The following NOS1AP variants were observed in gnomAD, a reference collection of about 807,000 sequenced individuals.
NOS1AP encodes the protein carboxyl-terminal PDZ ligand of neuronal nitric oxide synthase protein.
Under a neutral mutation model 56.2 loss-of-function variants are expected in NOS1AP, and 21 were observed. The ratio of observed to expected loss-of-function variants is 0.37; its 90% confidence interval spans 0.26 to 0.54. The LOEUF (loss-of-function observed/expected upper bound fraction) is 0.54. Ranked by LOEUF, NOS1AP falls within the 20% of genes least tolerant of loss-of-function variation. The pLI is 0.84. For missense variants in NOS1AP, 522 were observed against 657.8 expected (o/e 0.79, Z 2.26); for synonymous variants, 270 against 274.6 (o/e 0.98, Z 0.17).
chr1:162,295,926 G>A (rs1304073648), intron 3 of NOS1AP, among the ~76,000 whole-genome samples: 1 of 152,050 alleles, frequency 6.6e-6, no homozygotes, highest in African/African-American at 2.4e-5. Context: ...GGTGGGGGAG[G>A]GGTGGAGACC....
intron 1 of NOS1AP, among the ~76,000 whole-genome samples, chr1:162,118,347 A>G (rs1648057125): frequency 6.6e-6 from 1 of 152,222 alleles, no homozygotes; most frequent in Admixed American, 6.5e-5. Context: ...AAGCGAGAAC[A>G]TGTAGTATTT....
At chr1:162,278,743 A>C (rs1296055458) in intron 2 of NOS1AP, among the ~76,000 whole-genome samples, 1 of 150,934 alleles carries the variant, frequency 6.6e-6, no homozygotes, top group African/African-American at 2.4e-5. Context: ...TAACAGTGTT[A>C]TCTCTGCCCC....
At chr1:162,266,207 C>T (rs1176387404) in intron 2 of NOS1AP, among the ~76,000 whole-genome samples, 1 of 152,172 alleles carries the variant, frequency 6.6e-6, no homozygotes, top group Non-Finnish European at 1.5e-5. Flanking sequence ...GCAGGAGAAG[C>T]AGCAGTGTGT....
chr1:162,134,765 C>T (rs1189131796), intron 1 of NOS1AP, among the ~76,000 whole-genome samples: 2 of 152,156 alleles, frequency 1.3e-5, no homozygotes, highest in Non-Finnish European at 2.9e-5. Flanking sequence ...GTCATGTCCT[C>T]TCCAATCTAT....
intron 2 of NOS1AP, among the ~76,000 whole-genome samples, chr1:162,213,904 G>A (rs1571133170): frequency 6.6e-6 from 1 of 152,202 alleles, no homozygotes; most frequent in East Asian, 1.9e-4. Flanking sequence ...AACCTCATCC[G>A]CTAGAAGTAA....
Position 162,221,530 on chromosome 1 carries a change from GCGCGCACACACA to G in NOS1AP, c.178-65812_178-65801del, listed in dbSNP as rs1395202134. Among the ~76,000 whole-genome samples, 22 of 62,552 alleles carry G rather than the reference GCGCGCACACACA, an allele frequency of 3.5e-4. 2 individuals carry two copies. Among genetic ancestry groups the G allele is most frequent in the African/African-American group, 8.3e-4 (22 of 26,482 alleles). 41.0% of individuals were successfully genotyped at this position (62,552 alleles called of 152,430 possible). The stretch of plus-strand genomic sequence containing the variant: ...ATGCAACACACACACGCACACACAC[GCGCGCACACACA>G]CACACACACACACACACACACACAC... On this transcript the variant is annotated intron_variant, in intron 2 of 9. Transcript: ENST00000361897.
Position 162,367,821 on chromosome 1 carries a change from A to G in NOS1AP, c.*354A>G, listed in dbSNP as rs1484212100. 7.9e-6 allele frequency: 2 copies of G among 254,592 alleles called. No homozygotes were observed. The highest frequency in any genetic ancestry group is 4.4e-5 in the African/African-American group (2 of 45,258). 15.8% of individuals were successfully genotyped at this position (254,592 alleles called of 1,614,324 possible). ...GTCAGGCTCCCACGCTTTGTCCGTG[A>G]TGCCCCCCTACCCCCTCACTCTCCC... On this transcript the variant is annotated 3_prime_UTR_variant, in exon 10 of 10. Transcript: ENST00000361897. This position sits in a 1 kb window ranked among gnomAD's most constrained non-coding sequence, Gnocchi z 6.5.
At chr1:162,164,802 A>G (rs1650403535) in intron 2 of NOS1AP, among the ~76,000 whole-genome samples, 1 of 152,176 alleles carries the variant, frequency 6.6e-6, no homozygotes, top group Admixed American at 6.5e-5. Context: ...AAAGCAGCAT[A>G]TTATAGGACA....
At chr1:162,353,152 A>C in intron 6 of NOS1AP, among the ~76,000 whole-genome samples, 1 of 148,890 alleles carries the variant, frequency 6.7e-6, no homozygotes, top group Non-Finnish European at 1.5e-5. Flanking sequence ...CATATTTTCC[A>C]CCTAGAGTAT....
rs1691642501 is a variant in NOS1AP, at chr1:162,070,737, AAG to A, written c.105+457_105+458del. Among the ~76,000 whole-genome samples, 3 of 152,212 alleles carry A rather than the reference AAG, an allele frequency of 2.0e-5. No homozygotes were observed. In the South Asian group the frequency reaches 6.2e-4, roughly 32 times the overall value. ...GAATGCCTGCTTCCTAATTGAAGAA[AAG>A]AATCCAGATTTTTTTTTTTTAAACT... On this transcript the variant is annotated intron_variant, in intron 1 of 9. Coordinates refer to ENST00000361897, the MANE Select transcript of NOS1AP (RefSeq NM_014697.3).
intron 2 of NOS1AP, among the ~76,000 whole-genome samples, chr1:162,225,650 C>T (rs1652918711): frequency 6.6e-6 from 1 of 152,214 alleles, no homozygotes; most frequent in African/African-American, 2.4e-5. Flanking sequence ...AAGTTTTTCT[C>T]TGTCACAGAT....
intron 2 of NOS1AP, among the ~76,000 whole-genome samples, chr1:162,218,091 C>A (rs1206447909): frequency 6.6e-6 from 1 of 152,140 alleles, no homozygotes; most frequent in Non-Finnish European, 1.5e-5. Flanking sequence ...AAACCTGGGG[C>A]CTTTCTCTTC....
intron 2 of NOS1AP, among the ~76,000 whole-genome samples, chr1:162,184,488 G>T (rs1421863366): frequency 6.6e-6 from 1 of 152,182 alleles, no homozygotes; most frequent in African/African-American, 2.4e-5. Context: ...CCCAATATCT[G>T]TAAAGCACAA....
intron 2 of NOS1AP, among the ~76,000 whole-genome samples, chr1:162,264,815 CTTT>C (rs58948058): frequency 2.4e-4 from 33 of 137,016 alleles, no homozygotes; most frequent in Admixed American, 5.1e-4. Context: ...CGCGCCCGAC[CTTT>C]TTTTTTTTTT....
At chr1:162,163,905 G>C (rs1360079369) in intron 2 of NOS1AP, among the ~76,000 whole-genome samples, 2 of 152,144 alleles carry the variant, frequency 1.3e-5, no homozygotes, top group Admixed American at 6.5e-5. Flanking sequence ...CTCAGTAGGA[G>C]GAGTTTGGTT....
intron 1 of NOS1AP, among the ~76,000 whole-genome samples, chr1:162,127,680 A>G (rs1476288939): frequency 1.3e-5 from 2 of 152,224 alleles, no homozygotes; most frequent in Non-Finnish European, 2.9e-5. Context: ...AGGCTGGATC[A>G]GAAGCAATAG....
At chr1:162,285,515 C>A (rs949542560) in intron 2 of NOS1AP, among the ~76,000 whole-genome samples, 15 of 152,196 alleles carry the variant, frequency 9.9e-5, no homozygotes, top group African/African-American at 3.1e-4. Flanking sequence ...ATCAAACCAA[C>A]TTTAACCTTC....
Position 162,128,378 on chromosome 1 carries a change from G to C in NOS1AP, c.106-26027G>C, listed in dbSNP as rs115395517. Among the ~76,000 whole-genome samples, 613 of 151,830 alleles carry C rather than the reference G, an allele frequency of 4.0e-3. 5 individuals carry two copies. Among genetic ancestry groups the C allele is most frequent in the African/African-American group, 0.014 (576 of 41,404 alleles). On this transcript the variant is annotated intron_variant, in intron 1 of 9. Coordinates refer to ENST00000361897, the MANE Select transcript of NOS1AP (RefSeq NM_014697.3). ...TATTGTGTTGCATTTTCTATTTTTG[G>C]GGGTATATTAATTCAGTTGAATTGT...
rs569163742 is a variant in NOS1AP, at chr1:162,177,087, A to G, written c.177+22611A>G. On this transcript the variant is annotated intron_variant, in intron 2 of 9. Transcript: ENST00000361897. ...TGGTAGTTCTGCTGCTGAGCTGCCC[A>G]TATACTGACCTGTTTTCTTCTCTGC... Among the ~76,000 whole-genome samples the G allele has an allele frequency of 4.6e-5, 7 of 152,312 alleles. No homozygotes were observed. In the East Asian group the frequency reaches 1.4e-3, roughly 29 times the overall value.
Sources: gnomAD v4.1 joint callset for allele counts (sites outside exome capture counted in the v4.1 genomes callset) on GRCh38, gnomAD v4.1.1 for gene constraint, Gnocchi (gnomAD v3.1) non-coding constraint, MANE v1.5 for transcripts, NCBI Gene and HGNC (gene_info 2026-07-23, HGNC 2026-07-21) for gene names.